RNF2: variants seen among roughly 807,000 people sequenced by gnomAD.
The protein encoded by RNF2 is E3 ubiquitin-protein ligase RING2.
A neutral mutation model predicts 37.2 loss-of-function variants in RNF2; 6 were observed. The ratio of observed to expected loss-of-function variants is 0.16; its 90% CI spans 0.09 to 0.32. RNF2 has a LOEUF of 0.32. Ranked by LOEUF, RNF2 falls within the 10% of genes least tolerant of loss-of-function variation. The pLI is 1.00. For synonymous variants in RNF2, 133 were observed against 132.7 expected (o/e 1.00, Z -0.02); for missense variants, 251 against 404.0 (o/e 0.62, Z 3.25).
chr1:185,089,693 A>G lies in RNF2; in HGVS notation c.88-1886A>G, dbSNP rs116059576. On this transcript the variant is annotated intron_variant, in intron 2 of 6. Coordinates refer to ENST00000367510, the MANE Select transcript of RNF2 (RefSeq NM_007212.4). ...AGGGGAGCAGAGAAATGGAGCAAAA[A>G]CTGGAGACCAATGTGAAATTGAGTT... 3.3e-3 allele frequency among the ~76,000 whole-genome samples: 499 copies of G among 152,200 alleles called. 4 individuals carry two copies. Among genetic ancestry groups the G allele is most frequent in the African/African-American group, 0.012 (478 of 41,532 alleles).
chr1:185,084,931 G>C (rs1651535829), intron 1 of RNF2, among the ~76,000 whole-genome samples: 1 of 152,052 alleles, frequency 6.6e-6, no homozygotes, highest in Admixed American at 6.6e-5. Context: ...CAGAGTACAG[G>C]AATGAGGGAC....
chr1:185,071,125 T>C (rs536648471), intron 1 of RNF2, among the ~76,000 whole-genome samples: 35 of 152,276 alleles, frequency 2.3e-4, no homozygotes, highest in African/African-American at 7.5e-4. Context: ...TACATTCTTA[T>C]AAGGCTCTGG....
intron 5 of RNF2, 58 bp from the exon 6 acceptor site, chr1:185,099,733 T>G: frequency 3.6e-6 from 5 of 1,406,266 alleles, no homozygotes; most frequent in Admixed American, 2.0e-5. Context: ...ATAATTTAAG[T>G]ACATTTTTCT....
In RNF2 at chr1:185,081,766, A is replaced by G. The variant is rs191174506; in HGVS notation, c.-2-5786A>G. Among the ~76,000 whole-genome samples, 6 of 152,196 alleles carry G rather than the reference A, an allele frequency of 3.9e-5. No individual in the cohort carries two copies. In the East Asian group the frequency reaches 1.2e-3, roughly 29 times the overall value. On this transcript the variant is annotated intron_variant, in intron 1 of 6. Transcript: ENST00000367510. The stretch of plus-strand genomic sequence containing the variant: ...CGTGCATTTGAGCATTGTTGTGGAT[A>G]AGAATTGGGCCCTTTTTGTTGATCA...
Position 185,100,543 on chromosome 1 carries a change from GTTTT to G in RNF2, c.*250_*253del, listed in dbSNP as rs11432393. 0.098 allele frequency: 24,748 copies of G among 252,290 alleles called. 1,721 individuals carry two copies. Among genetic ancestry groups the G allele is most frequent in the East Asian group, 0.28 (4,240 of 15,398 alleles). 15.6% of individuals were successfully genotyped at this position (252,290 alleles called of 1,614,324 possible). A position where few individuals can be genotyped will look rare whatever the true frequency, so the allele number is the denominator to read the frequency against. Reference sequence around the variant, plus strand: ...AAAAAATATATCTGAAGTTTCTTGTGTTTTTTTTTTTCCCCACAAAGTGTGTTTC... The same window carrying G: ...AAAAAATATATCTGAAGTTTCTTGTGTTTTTTTCCCCACAAAGTGTGTTTC... On this transcript the variant is annotated 3_prime_UTR_variant, in exon 7 of 7. Transcript: ENST00000367510.
At chr1:185,050,028 A>G (rs1206730717) in intron 1 of RNF2, among the ~76,000 whole-genome samples, 1 of 152,240 alleles carries the variant, frequency 6.6e-6, no homozygotes, top group Non-Finnish European at 1.5e-5. Flanking sequence ...AGTCTCAGCC[A>G]TAACAACATA....
In RNF2 at chr1:185,102,386, G is replaced by A. The variant is rs1652101942; in HGVS notation, c.*2085G>A. 1 of 152,132 alleles carries A rather than the reference G, an allele frequency of 6.6e-6. No homozygotes were observed. Among genetic ancestry groups the A allele is most frequent in the African/African-American group, 2.4e-5 (1 of 41,438 alleles). 9.4% of individuals were successfully genotyped at this position (152,132 alleles called of 1,614,324 possible). ...GAGGAAGAAAAGGCTCACCACAAGT[G>A]GTGTGAAGGCTTTGGGTACTTAGTT... On this transcript the variant is annotated 3_prime_UTR_variant, in exon 7 of 7. Transcript: ENST00000367510.
intron 1 of RNF2, among the ~76,000 whole-genome samples, chr1:185,057,253 A>G (rs935070821): frequency 3.9e-5 from 6 of 152,150 alleles, no homozygotes; most frequent in East Asian, 3.9e-4. Context: ...GGAGGCTGCA[A>G]TCAGCCATGA....
At chr1:185,054,601 T>G (rs1650375274) in intron 1 of RNF2, among the ~76,000 whole-genome samples, 1 of 152,210 alleles carries the variant, frequency 6.6e-6, no homozygotes, top group Non-Finnish European at 1.5e-5. Context: ...AGGCCACGCC[T>G]CTAGAGGCGG....
At chr1:185,053,934 T>C (rs1650349287) in intron 1 of RNF2, among the ~76,000 whole-genome samples, 1 of 152,188 alleles carries the variant, frequency 6.6e-6, no homozygotes, top group South Asian at 2.1e-4. Flanking sequence ...CTTGGATGGA[T>C]GTTAGTAACC....
At chr1:185,087,921 T>C (rs1294472515) in intron 2 of RNF2, among the ~76,000 whole-genome samples, 2 of 152,172 alleles carry the variant, frequency 1.3e-5, no homozygotes, top group Non-Finnish European at 2.9e-5. Context: ...ATCTATAAAA[T>C]TCACATGTGA....
intron 1 of RNF2, among the ~76,000 whole-genome samples, chr1:185,060,898 C>G (rs1257083966): frequency 6.6e-6 from 1 of 152,120 alleles, no homozygotes; most frequent in Non-Finnish European, 1.5e-5. Flanking sequence ...GTAGGAAGAT[C>G]ACTTGAGGCC....
intron 1 of RNF2, among the ~76,000 whole-genome samples, chr1:185,059,715 A>G (rs964750278): frequency 5.9e-5 from 9 of 152,168 alleles, no homozygotes; most frequent in African/African-American, 2.2e-4. Context: ...GACATTTACT[A>G]TGAGACCATT....
intron 1 of RNF2, among the ~76,000 whole-genome samples, chr1:185,058,540 G>A (rs560705066): frequency 2.6e-5 from 4 of 152,306 alleles, no homozygotes; most frequent in African/African-American, 9.6e-5. Flanking sequence ...AAAAGTATTT[G>A]AAACAGTATC....
At chr1:185,070,148 T>A (rs950093346) in intron 1 of RNF2, among the ~76,000 whole-genome samples, 50 of 152,232 alleles carry the variant, frequency 3.3e-4, no homozygotes, top group African/African-American at 1.2e-3. Flanking sequence ...ATAGAGAAGA[T>A]GATATCACCT....
chr1:185,098,493 TC>T, intron 5 of RNF2, 149 bp downstream of exon 5: 1 of 938,410 alleles, frequency 1.1e-6, no homozygotes, highest in Non-Finnish European at 1.6e-6. Flanking sequence ...GTTGTTTTCT[TC>T]CTTCCTCCCT....
chr1:185,073,897 G>T (rs1651063424), intron 1 of RNF2, among the ~76,000 whole-genome samples: 1 of 152,190 alleles, frequency 6.6e-6, no homozygotes. Flanking sequence ...GCTACTCAGA[G>T]TGAGTGCCAG....
chr1:185,061,514 T>C (rs1261309078), intron 1 of RNF2, among the ~76,000 whole-genome samples: 2 of 152,154 alleles, frequency 1.3e-5, no homozygotes, highest in Admixed American at 6.5e-5. Flanking sequence ...AAACGATAGC[T>C]AGCTCATTGT....
intron 1 of RNF2, among the ~76,000 whole-genome samples, chr1:185,065,814 A>G (rs1346191539): frequency 6.6e-6 from 1 of 152,224 alleles, no homozygotes; most frequent in African/African-American, 2.4e-5. Flanking sequence ...TGTCATCTAC[A>G]AAGATACTGT....
Sources: allele counts gnomAD v4.1 joint callset (sites outside exome capture counted in the v4.1 genomes callset), GRCh38; gene constraint gnomAD v4.1.1; transcripts MANE v1.5; gene names NCBI Gene and HGNC (gene_info 2026-07-23, HGNC 2026-07-21).